PER2: variants seen among roughly 807,000 people sequenced by gnomAD.
PER2 encodes the protein period circadian regulator 2, also known as period circadian protein homolog 2.
In PER2, 66 loss-of-function variants were observed where a neutral mutation model predicts 121.0. The ratio of observed to expected loss-of-function variants is 0.55; its 90% CI spans 0.45 to 0.67. The LOEUF is 0.67. Among genes scored for constraint, PER2 ranks in the 30% least tolerant of loss-of-function variants. The probability of loss-of-function intolerance (pLI) is 0.00; values close to 1 mark genes in which losing one functional copy is unlikely to be tolerated. For synonymous variants in PER2, 684 were observed against 659.9 expected (o/e 1.04, Z -0.56); for missense variants, 1,521 against 1,635.0 (o/e 0.93, Z 1.20).
chr2:238,294,309 G>C (rs1427233148), upstream of PER2, among the ~76,000 whole-genome samples: 1 of 152,204 alleles, frequency 6.6e-6, no homozygotes, highest in Admixed American at 6.5e-5. Flanking sequence ...GTCACTGAGG[G>C]GTAGCCCAGT....
At chr2:238,279,861 G>A (rs986266839) in intron 1 of PER2, among the ~76,000 whole-genome samples, 3 of 152,196 alleles carry the variant, frequency 2.0e-5, no homozygotes, top group Non-Finnish European at 4.4e-5. Flanking sequence ...TGAGATGGAA[G>A]GAGCATGAAG....
Position 238,253,387 on chromosome 2 carries a change from G to A in PER2, c.2636C>T (p.Pro879Leu). 6.2e-7 allele frequency: 1 copy of A among 1,611,912 alleles called. No homozygotes were observed. The highest frequency in any genetic ancestry group is 1.1e-5 in the South Asian group (1 of 90,962). Residue 879 changes from proline to leucine, a missense_variant, in exon 19 of 23, where the codon CCT becomes CTT. Coordinates refer to ENST00000254657, the MANE Select transcript of PER2 (RefSeq NM_022817.3). This position sits in a 1 kb window ranked among gnomAD's most constrained non-coding sequence, Gnocchi z 5.6. ...PAPPHASFTV[P>L]AVPVDLQHQF... ...GTGCTGGAGGTCCACGGGCACAGCAGGCACTGTGAAGCTGGCGTGGGGAGG... is the reference window on the plus strand; with the variant it reads ...GTGCTGGAGGTCCACGGGCACAGCAAGCACTGTGAAGCTGGCGTGGGGAGG...
rs747864824 is a variant in PER2 at position 238,262,272 on chromosome 2, G to A, written c.1226C>T (p.Thr409Met). Residue 409 changes from threonine (T) to methionine (M), a missense_variant, in exon 11 of 23, where the codon ACG (threonine) becomes ATG (methionine). Thr to Met is a moderately conservative substitution (Grantham distance 81). Coordinates refer to ENST00000254657, the MANE Select transcript of PER2 (RefSeq NM_022817.3). ...RFRARNGEYI[T>M]LDTSWSSFIN... ...GAAGCTGGACCAGCTGGTGTCCAAC[G>A]TGATGTACTCTCCGTTCCGGGCGCG... The A allele has an allele frequency of 1.1e-5, 17 of 1,613,844 alleles. No individual in the cohort carries two copies. Among genetic ancestry groups the A allele is most frequent in the Admixed American group, 1.7e-5 (1 of 60,006 alleles).
At chr2:238,248,361 TG>T (rs1249946082) in intron 22 of PER2, among the ~76,000 whole-genome samples, 2 of 152,084 alleles carry the variant, frequency 1.3e-5, no homozygotes, top group Non-Finnish European at 2.9e-5. Flanking sequence ...AGAGAGGGGC[TG>T]GAGTGCCCAC....
In PER2 at chr2:238,252,031, G is replaced by C. The variant is rs142789211; in HGVS notation, c.3112-270C>G. 6.6e-3 allele frequency among the ~76,000 whole-genome samples: 1,008 copies of C among 152,304 alleles called. 9 individuals carry two copies. The highest frequency in any genetic ancestry group is 0.023 in the African/African-American group (942 of 41,548). Reference sequence around the variant, plus strand: ...GAAGACGGCAATACCTGGGCTCCAGGGGGGAAAGCCTCAGGCTGCTCCTTG... The same window carrying C: ...GAAGACGGCAATACCTGGGCTCCAGCGGGGAAAGCCTCAGGCTGCTCCTTG... On this transcript the variant is annotated intron_variant, in intron 19 of 22. Transcript: ENST00000254657. The surrounding 1 kb of genome is among the most constrained non-coding windows in gnomAD (Gnocchi z 4.2).
In PER2 at chr2:238,277,868, G is replaced by A; in HGVS notation, c.69C>T (p.Pro23=). The A allele has an allele frequency of 1.2e-6, 2 of 1,614,208 alleles. No homozygotes were observed. Among genetic ancestry groups the A allele is most frequent in the African/African-American group, 1.3e-5 (1 of 75,064 alleles). Reference sequence around the variant, plus strand: ...CATCTTCCTGCAGTGGGACCTGGCTGGGCTGGGGCTCCACGGGCTCCTTGG... The same window carrying A: ...CATCTTCCTGCAGTGGGACCTGGCTAGGCTGGGGCTCCACGGGCTCCTTGG... The part of the protein sequence containing the change: ...NPTKEPVEPQ[P]SQVPLQEDVD... The change falls in exon 2 of 23, where the codon CCC becomes CCT. Residue 23 remains proline (P), a synonymous_variant. Transcript: ENST00000254657.
chr2:238,275,011 T>C (rs918053816), intron 4 of PER2, among the ~76,000 whole-genome samples: 1 of 152,216 alleles, frequency 6.6e-6, no homozygotes, highest in Non-Finnish European at 1.5e-5. Context: ...TTTAAAAATA[T>C]GAAGACTGCT....
rs142139283 is a variant in PER2, at chr2:238,273,169, C to T, written c.471G>A (p.Leu157=). The T allele has an allele frequency of 4.5e-4, 724 of 1,613,968 alleles. No individual in the cohort carries two copies. The highest frequency in any genetic ancestry group is 5.5e-4 in the Non-Finnish European group (653 of 1,179,980). ...AGGGGTGACCCTCGCTGGACATCAG[C>T]AGCTGGTAATACTCTTCATTGGCTG... ...QVKANEEYYQ[L]LMSSEGHPCG... Residue 157 remains leucine, a synonymous_variant, in exon 5 of 23, where the codon CTG becomes CTA. Coordinates refer to ENST00000254657, the MANE Select transcript of PER2 (RefSeq NM_022817.3).
intron 1 of PER2, among the ~76,000 whole-genome samples, chr2:238,287,993 A>G (rs761822096): frequency 2.1e-4 from 32 of 152,052 alleles, no homozygotes; most frequent in Non-Finnish European, 4.0e-4. Flanking sequence ...AGGGGAGGCA[A>G]AGGGGCGAAC....
Position 238,262,353 on chromosome 2 carries a change from G to C in PER2, c.1154-9C>G, listed in dbSNP as rs371398896. 6.2e-7 allele frequency: 1 copy of C among 1,613,728 alleles called. No individual in the cohort carries two copies. The highest frequency in any genetic ancestry group is 1.3e-5 in the African/African-American group (1 of 74,900). Reference sequence around the variant, plus strand: ...CCCGCCTGACTGCAGGACTAGGAGAGCAAAAGCCAGCATTCAGGGGAAAAG... The same window carrying C: ...CCCGCCTGACTGCAGGACTAGGAGACCAAAAGCCAGCATTCAGGGGAAAAG... On this transcript the variant is annotated splice_polypyrimidine_tract_variant and intron_variant, in intron 10 of 22. Transcript: ENST00000254657.
Position 238,252,429 on chromosome 2 carries a change from G to GT in PER2, c.3111+482dup, listed in dbSNP as rs923806242. ...AATACAACTACCGTTTCATTAACTG[G>GT]TTAAGAATCTCACACAGTGTCCCTA... is the stretch of plus-strand genomic sequence containing the variant. On this transcript the variant is annotated intron_variant, in intron 19 of 22. Coordinates refer to ENST00000254657, the MANE Select transcript of PER2 (RefSeq NM_022817.3). The surrounding 1 kb of genome is among the most constrained non-coding windows in gnomAD (Gnocchi z 4.2). Among the ~76,000 whole-genome samples the GT allele has an allele frequency of 1.6e-4, 24 of 152,220 alleles. No homozygotes were observed.
Position 238,268,742 on chromosome 2 carries a change from G to A in PER2, c.824+181C>T, listed in dbSNP as rs1004886211. On this transcript the variant is annotated intron_variant, in intron 7 of 22. Coordinates refer to ENST00000254657, the MANE Select transcript of PER2 (RefSeq NM_022817.3). The surrounding 1 kb of genome is among the most constrained non-coding windows in gnomAD (Gnocchi z 4.0). ...AGGTTAAAGCACTCCACTGCTGGCC[G>A]CATTCTTAGCGACCTGTACACATTT... Among the ~76,000 whole-genome samples, 5 of 152,222 alleles carry A rather than the reference G, an allele frequency of 3.3e-5. No homozygotes were observed. Among genetic ancestry groups the A allele is most frequent in the African/African-American group, 4.8e-5 (2 of 41,454 alleles).
At chr2:238,267,822 G>A (rs1184993399) in intron 8 of PER2, among the ~76,000 whole-genome samples, 4 of 152,154 alleles carry the variant, frequency 2.6e-5, no homozygotes, top group Non-Finnish European at 5.9e-5. Context: ...GTGTGGATAG[G>A]GGTGAGAGAT....
chr2:238,282,426 C>T (rs912000885), intron 1 of PER2, among the ~76,000 whole-genome samples: 2 of 152,106 alleles, frequency 1.3e-5, no homozygotes, highest in African/African-American at 2.4e-5. Flanking sequence ...CAGGGGTTTG[C>T]GTTGGTCAAT....
intron 8 of PER2, 111 bp downstream of exon 8, chr2:238,267,945 C>T: frequency 8.0e-7 from 1 of 1,253,008 alleles, no homozygotes. Flanking sequence ...GAGGCCAAGG[C>T]TGGGGAACTG....
Position 238,260,969 on chromosome 2 carries a change from A to G in PER2, c.1417-16T>C, listed in dbSNP as rs369240206. The G allele has an allele frequency of 6.8e-6, 11 of 1,610,462 alleles. No homozygotes were observed. In the Middle Eastern group the frequency reaches 5.0e-4, roughly 73 times the overall value. ...GGGGGACGGGCTGGGGAGACAGCAGACAGCGCTACAGACACAGCCAGGGCT... is the reference window on the plus strand; with the variant it reads ...GGGGGACGGGCTGGGGAGACAGCAGGCAGCGCTACAGACACAGCCAGGGCT... On this transcript the variant is annotated splice_polypyrimidine_tract_variant and intron_variant, in intron 12 of 22. Coordinates refer to ENST00000254657, the MANE Select transcript of PER2 (RefSeq NM_022817.3).
At chr2:238,296,923 T>C in the PER2 span, among the ~76,000 whole-genome samples, 1 of 152,186 alleles carries the variant, frequency 6.6e-6, no homozygotes, top group Non-Finnish European at 1.5e-5. Flanking sequence ...GCTCAGAAAG[T>C]GCTGAGCGGT....
At chr2:238,248,944 C>A in intron 22 of PER2, 118 bp downstream of exon 22, 1 of 1,154,024 alleles carries the variant, frequency 8.7e-7, no homozygotes, top group East Asian at 2.4e-5. Context: ...CGTGAGCCAC[C>A]GCGCCCGGCC....
rs1347901766 is a variant in PER2, at chr2:238,253,681, G to A, written c.2342C>T (p.Thr781Ile). 6.2e-7 allele frequency: 1 copy of A among 1,606,850 alleles called. No homozygotes were observed. Among genetic ancestry groups the A allele is most frequent in the Non-Finnish European group, 8.5e-7 (1 of 1,176,028 alleles). Residue 781 changes from threonine (T) to isoleucine (I), a missense_variant, in exon 19 of 23, where the codon ACT (threonine) becomes ATT (isoleucine). Thr to Ile is a moderately conservative substitution (Grantham distance 89, BLOSUM62 -1). Coordinates refer to ENST00000254657, the MANE Select transcript of PER2 (RefSeq NM_022817.3). This position sits in a 1 kb window ranked among gnomAD's most constrained non-coding sequence, Gnocchi z 5.6. ...TTTCCAAGGTGAATCTATTCCGGAA[G>A]TATTTCTTAGTCCAGGGGCAGCTAA... ...SERTAPGLRN[T>I]SGIDSPWKKT...
Sources: allele counts gnomAD v4.1 joint callset (sites outside exome capture counted in the v4.1 genomes callset), GRCh38; gene constraint gnomAD v4.1.1; non-coding constraint Gnocchi (gnomAD v3.1); transcripts MANE v1.5; gene names NCBI Gene and HGNC (gene_info 2026-07-23, HGNC 2026-07-21).